The following TTC28 variants were observed in gnomAD, a reference collection of about 807,000 sequenced individuals.
TTC28 encodes the protein tetratricopeptide repeat domain 28, also known as tetratricopeptide repeat protein 28.
A neutral mutation model predicts 198.0 loss-of-function variants in TTC28; 61 were observed. The ratio of observed to expected loss-of-function variants is 0.31; its 90% CI spans 0.25 to 0.38. The LOEUF is 0.38. TTC28 is among the 10% of genes least tolerant of loss of function. The pLI is 1.00. For synonymous variants in TTC28, 1,171 were observed against 1,297.8 expected (o/e 0.90, Z 2.10); for missense variants, 2,678 against 3,164.0 (o/e 0.85, Z 3.69).
chr22:28,644,061 T>C (rs1368522791), intron 1 of TTC28, among the ~76,000 whole-genome samples: 6 of 152,178 alleles, frequency 3.9e-5, no homozygotes, highest in Non-Finnish European at 1.5e-5. Flanking sequence ...TCCATGCTCT[T>C]AACCATTTTA....
chr22:28,355,367 T>C (rs1031131236), intron 2 of TTC28, among the ~76,000 whole-genome samples: 1 of 152,168 alleles, frequency 6.6e-6, no homozygotes, highest in African/African-American at 2.4e-5. Flanking sequence ...ATTTTACAAG[T>C]TTAAATTGAT....
intron 2 of TTC28, among the ~76,000 whole-genome samples, chr22:28,388,266 A>G (rs2046650079): frequency 6.6e-6 from 1 of 152,188 alleles, no homozygotes; most frequent in Non-Finnish European, 1.5e-5. Flanking sequence ...TATAGTTTGA[A>G]GTCAGGTAGT....
chr22:28,389,069 C>T (rs1410062386), intron 2 of TTC28, among the ~76,000 whole-genome samples: 4 of 152,056 alleles, frequency 2.6e-5, no homozygotes, highest in African/African-American at 9.7e-5. Context: ...TGAATTTTGT[C>T]AAAGGCCTTT....
At chr22:28,267,446 G>A (rs1027262164) in intron 5 of TTC28, among the ~76,000 whole-genome samples, 3 of 152,192 alleles carry the variant, frequency 2.0e-5, no homozygotes, top group Non-Finnish European at 4.4e-5. Context: ...AAATCACTCT[G>A]TAGAAAATGG....
At chr22:27,983,893 T>C (rs749488273) in intron 22 of TTC28, 42 bp from the exon 23 acceptor site, 15 of 1,505,538 alleles carry the variant, frequency 1.0e-5, no homozygotes, top group Non-Finnish European at 1.1e-5. Flanking sequence ...GTTAGAATTC[T>C]ATATGGTTTT....
At chr22:28,567,479 C>CATACATATATATATAT (rs751694635) in intron 2 of TTC28, among the ~76,000 whole-genome samples, 26 of 51,144 alleles carry the variant, frequency 5.1e-4, no homozygotes, top group East Asian at 2.9e-3. Flanking sequence ...TACATACATA[C>CATACATATATATATAT]ATATATATAT....
chr22:28,043,266 A>AAAAAAG (rs1939735782), intron 12 of TTC28, among the ~76,000 whole-genome samples: 6 of 149,092 alleles, frequency 4.0e-5, no homozygotes, highest in African/African-American at 1.5e-4. Context: ...AAAAAAAAAA[A>AAAAAAG]AAAGAAAAGA....
At chr22:28,647,655 C>T (rs543180512) in intron 1 of TTC28, among the ~76,000 whole-genome samples, 62 of 151,254 alleles carry the variant, frequency 4.1e-4, no homozygotes, top group Non-Finnish European at 7.4e-4. Flanking sequence ...CTGGCCAACA[C>T]GGTGAAACCC....
chr22:28,491,362 T>C (rs2048374953), intron 2 of TTC28, among the ~76,000 whole-genome samples: 1 of 152,104 alleles, frequency 6.6e-6, no homozygotes, highest in African/African-American at 2.4e-5. Flanking sequence ...TCTACTTATC[T>C]GACAAAGGGC....
chr22:28,089,353 T>C (rs1210289042), intron 12 of TTC28, among the ~76,000 whole-genome samples: 1 of 152,070 alleles, frequency 6.6e-6, no homozygotes, highest in Non-Finnish European at 1.5e-5. Context: ...GATGAGTTCA[T>C]GTCCTTTGTA....
At chr22:28,223,369 C>T (rs958515624) in intron 5 of TTC28, among the ~76,000 whole-genome samples, 5 of 152,144 alleles carry the variant, frequency 3.3e-5, no homozygotes, top group Non-Finnish European at 7.4e-5. Flanking sequence ...GGAAAGGATA[C>T]CTTGGTTTCT....
chr22:28,620,861 C>T (rs1318030587), intron 2 of TTC28, among the ~76,000 whole-genome samples: 1 of 152,156 alleles, frequency 6.6e-6, no homozygotes, highest in Non-Finnish European at 1.5e-5. Flanking sequence ...TGACAATGTT[C>T]CTGCTCATTC....
At chr22:28,171,744 CT>C (rs754650636) in intron 5 of TTC28, among the ~76,000 whole-genome samples, 3 of 151,440 alleles carry the variant, frequency 2.0e-5, no homozygotes, top group Admixed American at 1.3e-4. Flanking sequence ...TTTTCTGTTT[CT>C]TTTTTTCTGA....
intron 2 of TTC28, among the ~76,000 whole-genome samples, chr22:28,414,598 G>T (rs1569312799): frequency 6.6e-6 from 1 of 152,166 alleles, no homozygotes; most frequent in Non-Finnish European, 1.5e-5. Flanking sequence ...GCAGCAGAAA[G>T]AAGTATCTCA....
intron 12 of TTC28, among the ~76,000 whole-genome samples, chr22:28,047,623 C>T (rs1052746730): frequency 6.6e-6 from 1 of 152,144 alleles, no homozygotes; most frequent in Non-Finnish European, 1.5e-5. Context: ...AGAATGATCC[C>T]GTCTCCCTCT....
Position 28,112,815 on chromosome 22 carries a change from C to T in TTC28, c.1442-4412G>A, listed in dbSNP as rs115718161. Reference sequence around the variant, plus strand: ...TCAGCAGGGGCGTGCTAGGTGACAACGTGCTGCAGGGAGGGGAATTAAATG... The same window carrying T: ...TCAGCAGGGGCGTGCTAGGTGACAATGTGCTGCAGGGAGGGGAATTAAATG... On this transcript the variant is annotated intron_variant, in intron 6 of 22. Coordinates refer to ENST00000397906, the MANE Select transcript of TTC28 (RefSeq NM_001145418.2). Among the ~76,000 whole-genome samples, 885 of 152,178 alleles carry T rather than the reference C, an allele frequency of 5.8e-3. 9 individuals carry two copies. Among genetic ancestry groups the T allele is most frequent in the African/African-American group, 0.021 (859 of 41,518 alleles).
chr22:28,490,342 A>T (rs1205505541), intron 2 of TTC28, among the ~76,000 whole-genome samples: 2 of 152,094 alleles, frequency 1.3e-5, no homozygotes, highest in African/African-American at 4.8e-5. Flanking sequence ...TTGCACCCCC[A>T]TTGCTCTGCT....
At chr22:28,447,186 T>C (rs543859527) in intron 2 of TTC28, among the ~76,000 whole-genome samples, 15 of 151,848 alleles carry the variant, frequency 9.9e-5, no homozygotes, top group Non-Finnish European at 1.6e-4. Flanking sequence ...ACTTGCTATA[T>C]AACAAAAGTT....
Position 27,998,919 on chromosome 22 carries a change from A to G in TTC28, c.4740T>C (p.Pro1580=), listed in dbSNP as rs777076323. The change falls in exon 16 of 23, where the codon CCT becomes CCC. Residue 1580 remains proline (P), a synonymous_variant. Transcript: ENST00000397906. The stretch of plus-strand genomic sequence containing the variant: ...CATCGTCCTGCACCCGCAAGGACTC[A>G]GGGATCGTGTAGGGGTGGCCGAAGG... ...KSSFGHPYTI[P]ESLRVQDDAS... 58 of 1,550,676 alleles carry G rather than the reference A, an allele frequency of 3.7e-5. No homozygotes were observed. The Admixed American group carries it at 1.1e-3, about 30-fold the overall frequency.
Sources: allele counts gnomAD v4.1 joint callset (sites outside exome capture counted in the v4.1 genomes callset), GRCh38; gene constraint gnomAD v4.1.1; transcripts MANE v1.5; gene names NCBI Gene and HGNC (gene_info 2026-07-23, HGNC 2026-07-21).